Variants in EYA2 observed in about 807,000 individuals in gnomAD.
EYA2 encodes the protein protein phosphatase EYA2.
A neutral mutation model predicts 69.2 loss-of-function variants in EYA2; 31 were observed. The observed-to-expected ratio is 0.45, with a 90% confidence interval of 0.34 to 0.60. EYA2 has a LOEUF of 0.60. Ranked by LOEUF, EYA2 falls within the 20% of genes least tolerant of loss-of-function variation. The probability of loss-of-function intolerance (pLI) is 0.02; values close to 1 mark genes in which losing one functional copy is unlikely to be tolerated. For synonymous variants in EYA2, 257 were observed against 279.4 expected (o/e 0.92, Z 0.80); for missense variants, 622 against 701.2 (o/e 0.89, Z 1.28).
chr20:46,958,583 G>A (rs1600581553), intron 1 of EYA2, among the ~76,000 whole-genome samples: 1 of 152,290 alleles, frequency 6.6e-6, no homozygotes, highest in Middle Eastern at 3.4e-3. Context: ...AGGGGTACGT[G>A]TGCAGGTTCG....
At chr20:47,014,309 T>C (rs1229944030) in intron 4 of EYA2, among the ~76,000 whole-genome samples, 1 of 152,074 alleles carries the variant, frequency 6.6e-6, no homozygotes, top group Non-Finnish European at 1.5e-5. Context: ...TTTTACGGGG[T>C]TGACAGGATA....
intron 10 of EYA2, among the ~76,000 whole-genome samples, chr20:47,149,688 C>CAAAAAAAAAAAAA (rs59780173): frequency 9.7e-6 from 1 of 102,696 alleles, no homozygotes; most frequent in Non-Finnish European, 2.0e-5. Flanking sequence ...ACTAAAAATA[C>CAAAAAAAAAAAAA]AAAAAAAAAA....
intron 3 of EYA2, among the ~76,000 whole-genome samples, chr20:47,003,732 C>T (rs2146348910): frequency 6.6e-6 from 1 of 152,332 alleles, no homozygotes; most frequent in South Asian, 2.1e-4. Flanking sequence ...AACAACTGAC[C>T]TTGACTTTAT....
At chr20:46,967,124 G>T (rs1979837343) in intron 1 of EYA2, among the ~76,000 whole-genome samples, 1 of 152,182 alleles carries the variant, frequency 6.6e-6, no homozygotes. Flanking sequence ...CACCCAAGTA[G>T]CTGGGACTAC....
intron 9 of EYA2, among the ~76,000 whole-genome samples, chr20:47,137,392 T>C (rs3787245): frequency 0.017 from 2,609 of 152,230 alleles, 109 homozygotes; most frequent in East Asian, 0.16. Flanking sequence ...CCTGCTGCAG[T>C]CCAGGCCTGG....
intron 5 of EYA2, among the ~76,000 whole-genome samples, chr20:47,047,673 C>T (rs931282421): frequency 5.3e-5 from 8 of 152,318 alleles, no homozygotes; most frequent in African/African-American, 1.9e-4. Context: ...AGGTGTGAGC[C>T]ACCGCGCCCA....
intron 1 of EYA2, among the ~76,000 whole-genome samples, chr20:46,903,843 C>A (rs1428805307): frequency 1.3e-5 from 2 of 151,984 alleles, no homozygotes; most frequent in African/African-American, 4.8e-5. Context: ...ATAGTAACAA[C>A]AATAATAAAA....
intron 7 of EYA2, among the ~76,000 whole-genome samples, chr20:47,080,478 A>C (rs1294421894): frequency 1.5e-5 from 1 of 65,586 alleles, no homozygotes; most frequent in Admixed American, 2.0e-4. Context: ...AGGGAGGGAA[A>C]TGAGGGAGGG....
chr20:47,167,200 A>C (rs1193378480), intron 10 of EYA2: 1 of 153,504 alleles, frequency 6.5e-6, no homozygotes, highest in African/African-American at 2.4e-5. Context: ...AATTTCCCCC[A>C]GTTACTGGCT....
chr20:47,097,218 T>C, intron 9 of EYA2, 50 bp downstream of exon 9: 1 of 1,424,294 alleles, frequency 7.0e-7, no homozygotes, highest in Non-Finnish European at 9.8e-7. Flanking sequence ...TCAACGTTAT[T>C]GTCCAGCCAG....
intron 7 of EYA2, among the ~76,000 whole-genome samples, chr20:47,086,799 TG>T (rs2031907426): frequency 6.6e-6 from 1 of 150,918 alleles, no homozygotes; most frequent in Non-Finnish European, 1.5e-5. Flanking sequence ...TTTTTCTGTT[TG>T]TTTTTTTGTT....
At chr20:47,177,127 T>G (rs1356385029) in intron 12 of EYA2, among the ~76,000 whole-genome samples, 1 of 151,548 alleles carries the variant, frequency 6.6e-6, no homozygotes, top group East Asian at 1.9e-4. Context: ...TTTATTTATT[T>G]ATTGAGACTG....
intron 1 of EYA2, among the ~76,000 whole-genome samples, chr20:46,971,118 C>A (rs1017463012): frequency 1.3e-5 from 2 of 151,894 alleles, no homozygotes. Context: ...TGCACACACA[C>A]GTAAATGCAC....
chr20:46,969,874 A>G (rs1216559774), intron 1 of EYA2, among the ~76,000 whole-genome samples: 5 of 152,214 alleles, frequency 3.3e-5, no homozygotes. Flanking sequence ...TACAAACATC[A>G]TTATAATATA....
At chr20:47,059,054 G>A (rs912846457) in intron 5 of EYA2, among the ~76,000 whole-genome samples, 13 of 152,202 alleles carry the variant, frequency 8.5e-5, no homozygotes, top group African/African-American at 2.4e-5. Flanking sequence ...AGTGCCTGTG[G>A]AGTGATGGGG....
intron 10 of EYA2, among the ~76,000 whole-genome samples, chr20:47,162,272 G>A (rs1302525315): frequency 6.6e-6 from 1 of 151,946 alleles, no homozygotes; most frequent in Non-Finnish European, 1.5e-5. Context: ...ATCTTGTAGG[G>A]GACACAGTTC....
intron 2 of EYA2, among the ~76,000 whole-genome samples, chr20:46,996,895 CA>C (rs763434359): frequency 0.013 from 1,662 of 132,560 alleles, 28 homozygotes; most frequent in African/African-American, 0.038. Context: ...AACTCGGTCT[CA>C]AAAAAAAAAA....
chr20:47,046,592 G>C (rs765983843), intron 5 of EYA2, among the ~76,000 whole-genome samples: 1 of 152,132 alleles, frequency 6.6e-6, no homozygotes, highest in Non-Finnish European at 1.5e-5. Context: ...TGGGAGGCTT[G>C]TGTAGGGGGG....
At chr20:47,093,959 G>A (rs1455020012) in intron 8 of EYA2, among the ~76,000 whole-genome samples, 1 of 152,126 alleles carries the variant, frequency 6.6e-6, no homozygotes, top group Non-Finnish European at 1.5e-5. Context: ...GCCACCAATA[G>A]CCCTCCCCAA....
Sources: allele counts gnomAD v4.1 joint callset (sites outside exome capture counted in the v4.1 genomes callset), GRCh38; gene constraint gnomAD v4.1.1; transcripts MANE v1.5; gene names NCBI Gene and HGNC (gene_info 2026-07-23, HGNC 2026-07-21).